Variants in PPP1R10 observed in about 807,000 individuals in gnomAD.
The protein encoded by PPP1R10 is serine/threonine-protein phosphatase 1 regulatory subunit 10.
PPP1R10 carries 15 observed loss-of-function variants against 99.0 expected under a neutral mutation model. The ratio of observed to expected loss-of-function variants is 0.15; its 90% CI spans 0.10 to 0.23. The LOEUF is 0.23. Among genes scored for constraint, PPP1R10 ranks in the 10% least tolerant of loss-of-function variants. The pLI is 1.00. For synonymous variants in PPP1R10, 430 were observed against 449.5 expected (o/e 0.96, Z 0.55); for missense variants, 947 against 1,259.4 (o/e 0.75, Z 3.75).
intron 2 of PPP1R10, among the ~76,000 whole-genome samples, chr6:30,615,229 T>TAAAAAAAAAAAAAAAAA (rs5875265): frequency 9.1e-6 from 1 of 109,762 alleles, no homozygotes; most frequent in Non-Finnish European, 2.0e-5. Flanking sequence ...ACCTTTTTAG[T>TAAAAAAAAAAAAAAAAA]AAAAAAAAAA....
intron 14 of PPP1R10, 28 bp downstream of exon 14, chr6:30,603,980 C>T: frequency 6.4e-7 from 1 of 1,557,212 alleles, no homozygotes; most frequent in Non-Finnish European, 8.7e-7. Context: ...CACTCAACAT[C>T]CCAGGGCACG....
Position 30,602,834 on chromosome 6 carries a change from C to T in PPP1R10, c.1957+12G>A, listed in dbSNP as rs1803506427. The T allele has an allele frequency of 3.2e-6, 5 of 1,551,832 alleles. No individual in the cohort carries two copies. Among genetic ancestry groups the T allele is most frequent in the Admixed American group, 3.9e-5 (2 of 51,170 alleles). Reference sequence around the variant, plus strand: ...CAGATAAGCCCATTCCAACCTTTTACTCACCACCTACCTGGCATAGGTCCC... The same window carrying T: ...CAGATAAGCCCATTCCAACCTTTTATTCACCACCTACCTGGCATAGGTCCC... On this transcript the variant is annotated intron_variant, in intron 18 of 19. Transcript: ENST00000376511. The surrounding 1 kb of genome is among the most constrained non-coding windows in gnomAD (Gnocchi z 6.7).
rs1803296151 is a variant in PPP1R10, at chr6:30,601,387, T to A, written c.*162A>T. ...AAATATGTACATCAATGCGCACCAG[T>A]GATCAGAAAACCCCCAGGAACCCAA... On this transcript the variant is annotated 3_prime_UTR_variant, in exon 20 of 20. Coordinates refer to ENST00000376511, the MANE Select transcript of PPP1R10 (RefSeq NM_002714.4). 2 of 617,512 alleles carry A rather than the reference T, an allele frequency of 3.2e-6. No individual in the cohort carries two copies. Among genetic ancestry groups the A allele is most frequent in the Admixed American group, 5.9e-5 (2 of 34,058 alleles). 38.3% of individuals were successfully genotyped at this position (617,512 alleles called of 1,614,324 possible). A position where few individuals can be genotyped will look rare whatever the true frequency, so the allele number is the denominator to read the frequency against.
chr6:30,601,365 T>G lies in PPP1R10; in HGVS notation c.*184A>C. 1.7e-6 allele frequency: 1 copy of G among 587,458 alleles called. No homozygotes were observed. Among genetic ancestry groups the G allele is most frequent in the Non-Finnish European group, 3.0e-6 (1 of 329,516 alleles). 36.4% of individuals were successfully genotyped at this position (587,458 alleles called of 1,614,324 possible). A position where few individuals can be genotyped will look rare whatever the true frequency, so the allele number is the denominator to read the frequency against. On this transcript the variant is annotated 3_prime_UTR_variant, in exon 20 of 20. Coordinates refer to ENST00000376511, the MANE Select transcript of PPP1R10 (RefSeq NM_002714.4). ...CTCTCCTCCCCAGACTGGAGGAAAATATGTACATCAATGCGCACCAGTGAT... is the reference window on the plus strand; with the variant it reads ...CTCTCCTCCCCAGACTGGAGGAAAAGATGTACATCAATGCGCACCAGTGAT...
intron 6 of PPP1R10, among the ~76,000 whole-genome samples, chr6:30,607,208 C>T (rs940877781): frequency 6.6e-6 from 1 of 152,176 alleles, no homozygotes; most frequent in African/African-American, 2.4e-5. Flanking sequence ...TCTCAGAAAT[C>T]ACCATTAAAG....
Position 30,603,311 on chromosome 6 carries a change from C to T in PPP1R10, c.1768-26G>A, listed in dbSNP as rs780074137. 1.9e-6 allele frequency: 3 copies of T among 1,598,344 alleles called. No individual in the cohort carries two copies. In the East Asian group the frequency reaches 6.7e-5, roughly 36 times the overall value. On this transcript the variant is annotated intron_variant, in intron 16 of 19. Coordinates refer to ENST00000376511, the MANE Select transcript of PPP1R10 (RefSeq NM_002714.4). Reference sequence around the variant, plus strand: ...CTGTGAGGATGTAAGAAGGCAAAGTCAACAGACAGAAAGGGTAACAACCAT... The same window carrying T: ...CTGTGAGGATGTAAGAAGGCAAAGTTAACAGACAGAAAGGGTAACAACCAT...
Position 30,602,065 on chromosome 6 carries a change from G to C in PPP1R10, c.2584C>G (p.His862Asp). ...GHGGPHGHRP[H>D]DVPGHRGHDH... ...TGGCCTCGGTGACCAGGGACATCATGAGGCCGGTGGCCATGGGGCCCCCCG... is the reference window on the plus strand; with the variant it reads ...TGGCCTCGGTGACCAGGGACATCATCAGGCCGGTGGCCATGGGGCCCCCCG... The change falls in exon 19 of 20, where the codon CAT becomes GAT. Residue 862 changes from histidine (H) to aspartate (D), a missense_variant. His to Asp is a moderately conservative substitution (Grantham distance 81). This residue lies in a region of PPP1R10 where 525 missense variants were observed against 578.8 expected (regional missense o/e 0.91). Coordinates refer to ENST00000376511, the MANE Select transcript of PPP1R10 (RefSeq NM_002714.4). This position sits in a 1 kb window ranked among gnomAD's most constrained non-coding sequence, Gnocchi z 6.7. 1 of 1,566,686 alleles carries C rather than the reference G, an allele frequency of 6.4e-7. No homozygotes were observed.
chr6:30,607,775 A>T, intron 6 of PPP1R10, 65 bp downstream of exon 6: 2 of 1,518,192 alleles, frequency 1.3e-6, no homozygotes, highest in Non-Finnish European at 1.8e-6. Context: ...ATGGGAAAAG[A>T]TATTAAGGTA....
chr6:30,609,755 T>C lies in PPP1R10; in HGVS notation c.107+83A>G. ...TCTTTCCCTTTCCTTTCCAGGATCA[T>C]TCCAGTGTGCCTCAACTGCAGCCAT... On this transcript the variant is annotated intron_variant, in intron 3 of 19. Transcript: ENST00000376511. The surrounding 1 kb of genome is among the most constrained non-coding windows in gnomAD (Gnocchi z 4.5). The C allele has an allele frequency of 1.7e-6, 2 of 1,211,156 alleles. No individual in the cohort carries two copies. Among genetic ancestry groups the C allele is most frequent in the Non-Finnish European group, 2.5e-6 (2 of 814,740 alleles). 75.0% of individuals were successfully genotyped at this position (1,211,156 alleles called of 1,614,324 possible).
rs751526885 is a variant in PPP1R10 at position 30,609,167 on chromosome 6, CAGA to C, written c.108-7_108-5del. ...CTTTCGTGCTTCCTTCATCAAACTGCAGAAGATGAGTTAGGGTTAGAAATGAAG... is the reference window on the plus strand; with the variant it reads ...CTTTCGTGCTTCCTTCATCAAACTGCAGATGAGTTAGGGTTAGAAATGAAG... On this transcript the variant is annotated splice_region_variant and splice_polypyrimidine_tract_variant and intron_variant, in intron 3 of 19. Coordinates refer to ENST00000376511, the MANE Select transcript of PPP1R10 (RefSeq NM_002714.4). This position sits in a 1 kb window ranked among gnomAD's most constrained non-coding sequence, Gnocchi z 4.5. The C allele has an allele frequency of 6.2e-6, 10 of 1,612,958 alleles. No individual in the cohort carries two copies. The highest frequency in any genetic ancestry group is 8.5e-6 in the Non-Finnish European group (10 of 1,179,908).
rs751210990 is a variant in PPP1R10, at chr6:30,606,128, T to C, written c.740+10A>G. ...CCACCCCATTCAGAGCCTGAGAATA[T>C]GGTCCATACCTCTGACGTTTGAGGG... On this transcript the variant is annotated intron_variant, in intron 9 of 19. Transcript: ENST00000376511. The surrounding 1 kb of genome is among the most constrained non-coding windows in gnomAD (Gnocchi z 6.3). 3 of 1,613,798 alleles carry C rather than the reference T, an allele frequency of 1.9e-6. No homozygotes were observed. The highest frequency in any genetic ancestry group is 1.7e-5 in the Admixed American group (1 of 59,986).
Position 30,602,512 on chromosome 6 carries a change from T to C in PPP1R10, c.2137A>G (p.Asn713Asp), listed in dbSNP as rs1170006375. 3 of 1,571,258 alleles carry C rather than the reference T, an allele frequency of 1.9e-6. No homozygotes were observed. Among genetic ancestry groups the C allele is most frequent in the Admixed American group, 1.8e-5 (1 of 55,128 alleles). ...YHRGRGGRGG[N>D]EPPPPPPPFR... The stretch of plus-strand genomic sequence containing the variant: ...GGAGGAGGAGGAGGAGGAGGTTCGT[T>C]TCCTCCTCGGCCACCTCGGCCTCTA... The change falls in exon 19 of 20, where the codon AAC becomes GAC. Residue 713 changes from asparagine to aspartate, a missense_variant. By Grantham distance (23) the Asn-to-Asp change is conservative (BLOSUM62 1). Coordinates refer to ENST00000376511, the MANE Select transcript of PPP1R10 (RefSeq NM_002714.4). The surrounding 1 kb of genome is among the most constrained non-coding windows in gnomAD (Gnocchi z 6.7).
chr6:30,617,033 A>T (rs1276058389), intron 1 of PPP1R10, 35 bp from the exon 2 acceptor site: 3 of 152,398 alleles, frequency 2.0e-5, no homozygotes, highest in East Asian at 3.9e-4. Context: ...GAAAGATGTA[A>T]TCAGTACGGG....
At position 30,609,732 on chromosome 6, in the gene PPP1R10, T is replaced by C. The variant is rs545343377; in HGVS notation, c.107+106A>G. 6.0e-6 allele frequency: 6 copies of C among 999,652 alleles called. No individual in the cohort carries two copies. In the South Asian group the frequency reaches 6.7e-5, roughly 11 times the overall value. 61.9% of individuals were successfully genotyped at this position (999,652 alleles called of 1,614,324 possible). The stretch of plus-strand genomic sequence containing the variant: ...TTTTAATCCTATTGCACTGACTATC[T>C]TTCCCTTTCCTTTCCAGGATCATTC... On this transcript the variant is annotated intron_variant, in intron 3 of 19. Coordinates refer to ENST00000376511, the MANE Select transcript of PPP1R10 (RefSeq NM_002714.4). The surrounding 1 kb of genome is among the most constrained non-coding windows in gnomAD (Gnocchi z 4.5).
Position 30,600,752 on chromosome 6 carries a change from G to C in PPP1R10, c.*797C>G, listed in dbSNP as rs1158352423. 1 of 152,632 alleles carries C rather than the reference G, an allele frequency of 6.6e-6. No individual in the cohort carries two copies. Among genetic ancestry groups the C allele is most frequent in the African/African-American group, 2.4e-5 (1 of 41,446 alleles). 9.5% of individuals were successfully genotyped at this position (152,632 alleles called of 1,614,324 possible). A position where few individuals can be genotyped will look rare whatever the true frequency, so the allele number is the denominator to read the frequency against. On this transcript the variant is annotated 3_prime_UTR_variant, in exon 20 of 20. Coordinates refer to ENST00000376511, the MANE Select transcript of PPP1R10 (RefSeq NM_002714.4). ...GCATGTAGTGTGACTTTCAGGCCCA[G>C]CACGCCGGGCCCAAGTTGATGAGAA... is the stretch of plus-strand genomic sequence containing the variant.
rs372003141 is a variant in PPP1R10, at chr6:30,606,077, C to T, written c.741-42G>A. 2 of 1,612,630 alleles carry T rather than the reference C, an allele frequency of 1.2e-6. No homozygotes were observed. Among genetic ancestry groups the T allele is most frequent in the Admixed American group, 3.3e-5 (2 of 60,004 alleles). On this transcript the variant is annotated intron_variant, in intron 9 of 19. Coordinates refer to ENST00000376511, the MANE Select transcript of PPP1R10 (RefSeq NM_002714.4). The surrounding 1 kb of genome is among the most constrained non-coding windows in gnomAD (Gnocchi z 6.3). ...TGTCATCAACATCTCCGACTCACCC[C>T]CTCCTGCTCCCTTGTGTCCACAGAT...
At chr6:30,605,276 C>G (rs140907834) in intron 10 of PPP1R10, among the ~76,000 whole-genome samples, 182 bp from the exon 11 acceptor site, 243 of 152,262 alleles carry the variant, frequency 1.6e-3, no homozygotes, top group African/African-American at 5.3e-3. Flanking sequence ...TGTTGTTATT[C>G]TAGGTTTCTC....
intron 16 of PPP1R10, 64 bp downstream of exon 16, chr6:30,603,408 C>T: frequency 5.0e-6 from 8 of 1,589,230 alleles, no homozygotes; most frequent in Non-Finnish European, 6.9e-6. Flanking sequence ...GAATGGGAGA[C>T]AGTGAGGAGA....
chr6:30,601,189 G>A lies in PPP1R10; in HGVS notation c.*360C>T. ...TGTGTGCATGTGGGGACCCGCAATA[G>A]AAGGGTAGGGGTGTTCGCCAGGATA... On this transcript the variant is annotated 3_prime_UTR_variant, in exon 20 of 20. Transcript: ENST00000376511. 4.0e-6 allele frequency: 1 copy of A among 251,252 alleles called. No homozygotes were observed. The highest frequency in any genetic ancestry group is 7.9e-5 in the East Asian group (1 of 12,694). 15.6% of individuals were successfully genotyped at this position (251,252 alleles called of 1,614,324 possible).
Sources: gnomAD v4.1 joint callset for allele counts (sites outside exome capture counted in the v4.1 genomes callset) on GRCh38, gnomAD v4.1.1 for gene constraint, gnomAD v4.1.1 regional missense constraint, Gnocchi (gnomAD v3.1) non-coding constraint, MANE v1.5 for transcripts, NCBI Gene and HGNC (gene_info 2026-07-23, HGNC 2026-07-21) for gene names.